The following SULF1 variants were observed in gnomAD, a reference collection of about 807,000 sequenced individuals.
SULF1 encodes the protein sulfatase 1.
A neutral mutation model predicts 110.5 loss-of-function variants in SULF1; 46 were observed. The observed-to-expected ratio is 0.42, with a 90% CI of 0.33 to 0.53. The LOEUF is 0.53. Ranked by LOEUF, SULF1 falls within the 20% of genes least tolerant of loss-of-function variation. SULF1 has a pLI of 0.12. For synonymous variants in SULF1, 371 were observed against 387.1 expected (o/e 0.96, Z 0.49); for missense variants, 941 against 1,094.2 (o/e 0.86, Z 1.98).
At chr8:69,601,118 ATT>A (rs1807770417) in intron 9 of SULF1, among the ~76,000 whole-genome samples, 1 of 152,240 alleles carries the variant, frequency 6.6e-6, no homozygotes, top group Non-Finnish European at 1.5e-5. Context: ...CTCCAGCTAA[ATT>A]TTGCCATGTA....
intron 22 of SULF1, chr8:69,642,548 G>T: frequency 4.1e-6 from 1 of 244,020 alleles, no homozygotes; most frequent in Non-Finnish European, 6.6e-6. Flanking sequence ...TATGGGCTGA[G>T]GTAACATCCC....
At chr8:69,575,549 G>A (rs1226270369) in intron 5 of SULF1, among the ~76,000 whole-genome samples, 2 of 152,014 alleles carry the variant, frequency 1.3e-5, no homozygotes, top group African/African-American at 4.8e-5. Flanking sequence ...TGCTATAGTA[G>A]TAATCTACAC....
chr8:69,586,409 G>T lies in SULF1; in HGVS notation c.465G>T (p.Gly155=). ...ATAATGGCAGCTACATCCCCCCTGGGTGGCGAGAATGGCTTGGATTAATCA... is the reference window on the plus strand; with the variant it reads ...ATAATGGCAGCTACATCCCCCCTGGTTGGCGAGAATGGCTTGGATTAATCA... ...NEYNGSYIPP[G]WREWLGLIKN... is the part of the protein sequence containing the mutation. Residue 155 remains glycine, a synonymous_variant, in exon 7 of 23, where the codon GGG becomes GGT. Coordinates refer to ENST00000402687, the MANE Select transcript of SULF1 (RefSeq NM_001128205.2). The T allele has an allele frequency of 6.2e-7, 1 of 1,610,502 alleles. No individual in the cohort carries two copies. Among genetic ancestry groups the T allele is most frequent in the South Asian group, 1.1e-5 (1 of 90,292 alleles).
chr8:69,555,165 G>A (rs1815025311), intron 3 of SULF1, among the ~76,000 whole-genome samples: 1 of 151,784 alleles, frequency 6.6e-6, no homozygotes, highest in Admixed American at 6.6e-5. Flanking sequence ...AATTTGCCTT[G>A]AGCTAGGAAC....
chr8:69,639,952 TTG>T (rs961949640), intron 21 of SULF1, among the ~76,000 whole-genome samples: 1 of 152,164 alleles, frequency 6.6e-6, no homozygotes, highest in Non-Finnish European at 1.5e-5. Context: ...GTGGAATCAG[TTG>T]TCAGTCAAGA....
intron 14 of SULF1, 56 bp downstream of exon 14, chr8:69,621,307 A>G (rs1586570273): frequency 7.4e-7 from 1 of 1,345,776 alleles, no homozygotes; most frequent in East Asian, 2.3e-5. Flanking sequence ...GGGAATAAAC[A>G]ATAGAGAGAC....
chr8:69,527,228 C>T (rs528327620), intron 3 of SULF1, among the ~76,000 whole-genome samples: 11 of 152,148 alleles, frequency 7.2e-5, no homozygotes, highest in East Asian at 3.9e-4. Flanking sequence ...TTCATTTTAA[C>T]GGTTCGTAAC....
intron 3 of SULF1, among the ~76,000 whole-genome samples, chr8:69,560,698 C>T (rs190090154): frequency 1.1e-4 from 16 of 152,328 alleles, no homozygotes; most frequent in East Asian, 3.9e-4. Context: ...TGTCAAGCTC[C>T]GCATTTTGTC....
chr8:69,633,303 G>A (rs1218094516), intron 19 of SULF1, among the ~76,000 whole-genome samples: 3 of 151,410 alleles, frequency 2.0e-5, no homozygotes, highest in East Asian at 1.9e-4. Flanking sequence ...TGTGCTTCAC[G>A]GCATGCTGAG....
At chr8:69,572,970 G>T (rs1805342863) in intron 5 of SULF1, among the ~76,000 whole-genome samples, 1 of 152,216 alleles carries the variant, frequency 6.6e-6, no homozygotes, top group Non-Finnish European at 1.5e-5. Flanking sequence ...TGGGTCTACA[G>T]GCGCATGCCA....
chr8:69,612,759 T>C (rs138119064), intron 13 of SULF1, among the ~76,000 whole-genome samples: 3,420 of 152,338 alleles, frequency 0.022, 130 homozygotes, highest in African/African-American at 0.079. Flanking sequence ...ATTAGTCCTT[T>C]GTTGGATGCA....
chr8:69,640,881 CA>C, intron 22 of SULF1, 40 bp downstream of exon 22: 1 of 1,589,988 alleles, frequency 6.3e-7, no homozygotes. Flanking sequence ...GCTTCTTCCC[CA>C]ATAATTGCAT....
At chr8:69,592,878 C>T (rs1807014040) in intron 8 of SULF1, 2 of 979,252 alleles carry the variant, frequency 2.0e-6, no homozygotes, top group South Asian at 4.7e-5. Context: ...CAAGCTAAGA[C>T]TCCCATTGTG....
chr8:69,602,636 C>T, intron 10 of SULF1, among the ~76,000 whole-genome samples: 1 of 152,176 alleles, frequency 6.6e-6, no homozygotes, highest in East Asian at 1.9e-4. Flanking sequence ...CCGAGTACCA[C>T]ATGTGCTGCT....
At chr8:69,479,315 G>A (rs1809423403) in intron 1 of SULF1, among the ~76,000 whole-genome samples, 1 of 152,108 alleles carries the variant, frequency 6.6e-6, no homozygotes, top group Non-Finnish European at 1.5e-5. Context: ...AGATTTTTAT[G>A]GATAGTGCTA....
In SULF1 at chr8:69,474,607, G is replaced by A. The variant is rs186663757; in HGVS notation, c.-391+7657G>A. 5.3e-5 allele frequency among the ~76,000 whole-genome samples: 8 copies of A among 152,196 alleles called. No individual in the cohort carries two copies. In the East Asian group the frequency reaches 5.8e-4, roughly 11 times the overall value. On this transcript the variant is annotated intron_variant, in intron 1 of 22. Transcript: ENST00000260128. ...CTGGTAAAAGAAAAGAAAGTTTTCC[G>A]AATATAACAGATAAATAAAAGCATA...
chr8:69,543,445 C>T (rs1814001039), intron 3 of SULF1, among the ~76,000 whole-genome samples: 1 of 151,966 alleles, frequency 6.6e-6, no homozygotes, highest in Non-Finnish European at 1.5e-5. Context: ...CATTGCTCAG[C>T]TCCCACTTAT....
chr8:69,613,013 T>C (rs1808783177), intron 13 of SULF1, among the ~76,000 whole-genome samples: 1 of 152,198 alleles, frequency 6.6e-6, no homozygotes, highest in Admixed American at 6.6e-5. Context: ...CTTTGATCCA[T>C]CTTGAGTTGA....
intron 3 of SULF1, among the ~76,000 whole-genome samples, chr8:69,562,046 T>A (rs1018098889): frequency 1.3e-5 from 2 of 152,228 alleles, no homozygotes; most frequent in Non-Finnish European, 2.9e-5. Context: ...CGTTATCAAT[T>A]GGAGCTGTCT....
Sources: allele counts gnomAD v4.1 joint callset (sites outside exome capture counted in the v4.1 genomes callset), GRCh38; gene constraint gnomAD v4.1.1; transcripts MANE v1.5; gene names NCBI Gene and HGNC (gene_info 2026-07-23, HGNC 2026-07-21).